CCDC91: variants seen among roughly 807,000 people sequenced by gnomAD.
CCDC91 encodes the protein coiled-coil domain-containing protein 91.
CCDC91 carries 48 observed loss-of-function variants against 63.2 expected under a neutral mutation model. That is an observed-to-expected ratio of 0.76 (90% CI 0.60 to 0.97). CCDC91 has a LOEUF of 0.97. CCDC91 is among the 50% of genes least tolerant of loss of function. The pLI is 0.00. For missense variants in CCDC91, 500 were observed against 494.6 expected (o/e 1.01, Z -0.10); for synonymous variants, 167 against 165.8 (o/e 1.01, Z -0.06).
chr12:28,341,939 C>T (rs765960580), intron 6 of CCDC91, among the ~76,000 whole-genome samples: 4 of 152,156 alleles, frequency 2.6e-5, no homozygotes, highest in African/African-American at 9.7e-5. Flanking sequence ...AAGATGTCCA[C>T]CTCCTAAATT....
chr12:28,268,518 A>C (rs561236789), intron 3 of CCDC91: 1 of 247,588 alleles, frequency 4.0e-6, no homozygotes, highest in East Asian at 1.8e-4. Context: ...ACTGTTCTAT[A>C]ATGTTAGATT....
At chr12:28,370,287 C>G (rs1944533580) in intron 7 of CCDC91, among the ~76,000 whole-genome samples, 1 of 152,186 alleles carries the variant, frequency 6.6e-6, no homozygotes, top group Admixed American at 6.5e-5. Flanking sequence ...TTAGACATTT[C>G]TTCTGCCAGA....
chr12:28,441,057 C>CAACAAAAAAAAAAACAAAAAAAA (rs1949164740), intron 8 of CCDC91, among the ~76,000 whole-genome samples: 1 of 52,700 alleles, frequency 1.9e-5, no homozygotes, highest in Non-Finnish European at 3.1e-5. Context: ...GACTCCATCT[C>CAACAAAAAAAAAAACAAAAAAAA]AAAAAAAAAA....
chr12:28,521,299 G>A (rs986109657), intron 12 of CCDC91, among the ~76,000 whole-genome samples: 3 of 152,056 alleles, frequency 2.0e-5, no homozygotes, highest in African/African-American at 7.2e-5. Flanking sequence ...TCCCTTGTAA[G>A]TTGGATTCCT....
chr12:28,350,419 TG>T (rs754222238), intron 6 of CCDC91, among the ~76,000 whole-genome samples: 11 of 152,214 alleles, frequency 7.2e-5, no homozygotes, highest in Non-Finnish European at 1.2e-4. Flanking sequence ...AGAAGTAATT[TG>T]AAAAAGGCCA....
intron 3 of CCDC91, among the ~76,000 whole-genome samples, chr12:28,288,666 G>A (rs554085010): frequency 1.4e-4 from 21 of 152,254 alleles, no homozygotes; most frequent in Admixed American, 1.0e-3. Context: ...ATATCTGAAA[G>A]GTTTTAGTAT....
intron 3 of CCDC91, among the ~76,000 whole-genome samples, chr12:28,280,975 T>TA (rs1224286280): frequency 6.6e-6 from 1 of 151,638 alleles, no homozygotes; most frequent in African/African-American, 2.4e-5. Context: ...AGATTCTGTC[T>TA]AAAAAAATAA....
chr12:28,500,311 A>G (rs532364215), intron 12 of CCDC91, among the ~76,000 whole-genome samples: 4 of 151,586 alleles, frequency 2.6e-5, no homozygotes, highest in South Asian at 2.1e-4. Context: ...CATTCTGATG[A>G]TAGTTTCTTT....
At chr12:28,465,863 T>C (rs550813270) in intron 11 of CCDC91, among the ~76,000 whole-genome samples, 8 of 152,226 alleles carry the variant, frequency 5.3e-5, no homozygotes, top group South Asian at 4.1e-4. Context: ...TACAGAGATA[T>C]ATGACCTTTC....
At chr12:28,442,728 G>A (rs1306634595) in intron 8 of CCDC91, among the ~76,000 whole-genome samples, 1 of 152,056 alleles carries the variant, frequency 6.6e-6, no homozygotes, top group East Asian at 1.9e-4. Flanking sequence ...ATAACAATGA[G>A]AAAGTATATA....
intron 8 of CCDC91, among the ~76,000 whole-genome samples, chr12:28,443,126 T>C (rs1163430622): frequency 7.3e-5 from 2 of 27,380 alleles, no homozygotes; most frequent in East Asian, 2.0e-3. Flanking sequence ...AGAAATCTCA[T>C]GGTTTGAATT....
At chr12:28,416,145 G>A (rs1947645326) in intron 8 of CCDC91, among the ~76,000 whole-genome samples, 1 of 151,970 alleles carries the variant, frequency 6.6e-6, no homozygotes. Flanking sequence ...GGGTACTAAT[G>A]TCTTTATATC....
At chr12:28,497,191 A>G (rs547625960) in intron 12 of CCDC91, among the ~76,000 whole-genome samples, 6 of 151,404 alleles carry the variant, frequency 4.0e-5, no homozygotes, top group African/African-American at 1.2e-4. Context: ...CTCTGTATTT[A>G]TGTGTCCCTC....
intron 1 of CCDC91, among the ~76,000 whole-genome samples, chr12:28,209,795 C>T (rs1378488767): frequency 6.7e-6 from 1 of 150,092 alleles, no homozygotes; most frequent in Non-Finnish European, 1.5e-5. Context: ...TTTAAACAAT[C>T]CTTTAACCCT....
intron 12 of CCDC91, among the ~76,000 whole-genome samples, chr12:28,499,550 C>G (rs1565480641): frequency 6.6e-6 from 1 of 151,930 alleles, no homozygotes; most frequent in Non-Finnish European, 1.5e-5. Context: ...GTTCCCCTCC[C>G]TGTGTCCATG....
At chr12:28,400,440 T>C (rs1196560384) in intron 8 of CCDC91, among the ~76,000 whole-genome samples, 1 of 149,296 alleles carries the variant, frequency 6.7e-6, no homozygotes, top group East Asian at 2.0e-4. Context: ...TGAAGACCTC[T>C]GACATGCCCT....
intron 12 of CCDC91, among the ~76,000 whole-genome samples, chr12:28,543,410 G>A (rs1385320896): frequency 6.6e-6 from 1 of 151,886 alleles, no homozygotes; most frequent in African/African-American, 2.4e-5. Context: ...GTTCTGTTTT[G>A]TTTTGCTTTA....
chr12:28,382,797 G>T (rs1324767298), intron 7 of CCDC91, among the ~76,000 whole-genome samples: 1 of 152,038 alleles, frequency 6.6e-6, no homozygotes, highest in Admixed American at 6.6e-5. Flanking sequence ...GGCCTTTACT[G>T]TATTAATAAC....
chr12:28,239,768 T>G (rs1945213138), intron 1 of CCDC91, among the ~76,000 whole-genome samples: 1 of 152,144 alleles, frequency 6.6e-6, no homozygotes, highest in South Asian at 2.1e-4. Flanking sequence ...AACTATAGAC[T>G]ATATAATAAA....
Sources: allele counts gnomAD v4.1 joint callset (sites outside exome capture counted in the v4.1 genomes callset), GRCh38; gene constraint gnomAD v4.1.1; transcripts MANE v1.5; gene names NCBI Gene and HGNC (gene_info 2026-07-23, HGNC 2026-07-21).